FYN: variants seen among roughly 807,000 people sequenced by gnomAD.
The protein encoded by FYN is FYN proto-oncogene, Src family tyrosine kinase, also known as tyrosine-protein kinase Fyn.
In FYN, 10 loss-of-function variants were observed where a neutral mutation model predicts 70.2. The observed-to-expected ratio is 0.14, with a 90% CI of 0.09 to 0.24. The LOEUF is 0.24. FYN is among the 10% of genes least tolerant of loss of function. The pLI is 1.00. For missense variants in FYN, 319 were observed against 673.1 expected, an observed-to-expected ratio of 0.47 and a Z score of 5.82; for synonymous variants, 236 against 248.6, an observed-to-expected ratio of 0.95 and a Z score of 0.48.
At chr6:111,832,536 T>G (rs934648912) in intron 2 of FYN, among the ~76,000 whole-genome samples, 6 of 152,212 alleles carry the variant, frequency 3.9e-5, no homozygotes, top group African/African-American at 1.4e-4. Context: ...CGCATGTGAT[T>G]TGGTATACTG....
intron 1 of FYN, among the ~76,000 whole-genome samples, chr6:111,857,648 A>G (rs1486785818): frequency 2.6e-5 from 4 of 152,222 alleles, no homozygotes; most frequent in African/African-American, 9.7e-5. Context: ...TTATTTGTGC[A>G]TGATTGAATT....
chr6:111,689,067 G>T (rs1242789659), intron 12 of FYN, among the ~76,000 whole-genome samples: 1 of 152,160 alleles, frequency 6.6e-6, no homozygotes, highest in African/African-American at 2.4e-5. Context: ...AAAAGTTGAG[G>T]TGATAAGGAT....
At chr6:111,788,090 A>G (rs1439696572) in intron 2 of FYN, among the ~76,000 whole-genome samples, 1 of 152,040 alleles carries the variant, frequency 6.6e-6, no homozygotes, top group Non-Finnish European at 1.5e-5. Context: ...ATACAGAACC[A>G]ACCTGTCCCT....
At chr6:111,749,826 CTG>C (rs954362463) in intron 3 of FYN, among the ~76,000 whole-genome samples, 1 of 151,902 alleles carries the variant, frequency 6.6e-6, no homozygotes, top group African/African-American at 2.4e-5. Flanking sequence ...TGTTCAAAAT[CTG>C]TGTGTGGAAA....
In FYN at chr6:111,660,352, T is replaced by C. The variant is rs1332923259; in HGVS notation, c.*1387A>G. 3 of 152,234 alleles carry C rather than the reference T, an allele frequency of 2.0e-5. No homozygotes were observed. Among genetic ancestry groups the C allele is most frequent in the Non-Finnish European group, 4.4e-5 (3 of 68,038 alleles). 9.4% of individuals were successfully genotyped at this position (152,234 alleles called of 1,614,324 possible). ...AAAAATTCAAATGTAAAATGCTCTCTTTTTAATTACTAAATTAAGAAAGTT... is the reference window on the plus strand; with the variant it reads ...AAAAATTCAAATGTAAAATGCTCTCCTTTTAATTACTAAATTAAGAAAGTT... On this transcript the variant is annotated 3_prime_UTR_variant, in exon 14 of 14. Transcript: ENST00000354650.
intron 2 of FYN, among the ~76,000 whole-genome samples, chr6:111,807,511 T>C (rs999750910): frequency 6.6e-6 from 1 of 152,220 alleles, no homozygotes; most frequent in African/African-American, 2.4e-5. Context: ...GGAGTTTCTC[T>C]TGATTACTCA....
At chr6:111,727,802 TTAAGAA>T (rs1226706921) in intron 3 of FYN, among the ~76,000 whole-genome samples, 1 of 152,208 alleles carries the variant, frequency 6.6e-6, no homozygotes, top group Non-Finnish European at 1.5e-5. Flanking sequence ...TCATGTTACT[TTAAGAA>T]TAAGCCATAC....
At chr6:111,820,282 A>G (rs1772616949) in intron 2 of FYN, among the ~76,000 whole-genome samples, 1 of 152,222 alleles carries the variant, frequency 6.6e-6, no homozygotes, top group Non-Finnish European at 1.5e-5. Context: ...AAGATAAATG[A>G]TATTTTTATG....
intron 2 of FYN, among the ~76,000 whole-genome samples, chr6:111,844,268 T>G (rs1320813095): frequency 6.6e-6 from 1 of 152,232 alleles, no homozygotes; most frequent in Non-Finnish European, 1.5e-5. Flanking sequence ...CACTTCTGTC[T>G]TTACAAAAAC....
At chr6:111,703,063 C>A in intron 7 of FYN, 29 bp from the exon 8 acceptor site, 1 of 1,607,162 alleles carries the variant, frequency 6.2e-7, no homozygotes, top group Non-Finnish European at 8.5e-7. Context: ...ATTAGCAGCT[C>A]CAATCATTTA....
chr6:111,837,858 G>T (rs1773237764), intron 2 of FYN, among the ~76,000 whole-genome samples: 1 of 152,176 alleles, frequency 6.6e-6, no homozygotes, highest in Non-Finnish European at 1.5e-5. Context: ...TCTCATGGCA[G>T]CCTTATCTGG....
At chr6:111,764,227 A>AAAAAAAAAAAAG (rs1583420872) in intron 3 of FYN, among the ~76,000 whole-genome samples, 1 of 147,990 alleles carries the variant, frequency 6.8e-6, no homozygotes, top group African/African-American at 2.5e-5. Context: ...AAAAAAAAAA[A>AAAAAAAAAAAAG]AAAAAGAAAA....
chr6:111,772,229 T>G (rs1803479722), intron 3 of FYN, among the ~76,000 whole-genome samples: 1 of 152,054 alleles, frequency 6.6e-6, no homozygotes, highest in Admixed American at 6.6e-5. Context: ...AAAATCCAGG[T>G]GACCATCAAG....
At chr6:111,844,039 C>G (rs1039478617) in intron 2 of FYN, among the ~76,000 whole-genome samples, 9 of 152,208 alleles carry the variant, frequency 5.9e-5, no homozygotes, top group African/African-American at 2.2e-4. Context: ...AAGGGGAAAG[C>G]TCTGAGCCCA....
Position 111,693,560 on chromosome 6 carries a change from T to G in FYN, c.1273+815A>C, listed in dbSNP as rs955869260. Among the ~76,000 whole-genome samples the G allele has an allele frequency of 2.2e-4, 34 of 152,210 alleles. 1 individual carries two copies. Among genetic ancestry groups the G allele is most frequent in the African/African-American group, 8.2e-4 (34 of 41,448 alleles). On this transcript the variant is annotated intron_variant, in intron 12 of 13. Transcript: ENST00000354650. The stretch of plus-strand genomic sequence containing the variant: ...GGTGCTCTAATAGCACCTGAAAAGC[T>G]GCCCCACTGGAATGGCTGCTGAGTT...
At chr6:111,772,687 C>T (rs930204783) in intron 3 of FYN, among the ~76,000 whole-genome samples, 2 of 152,278 alleles carry the variant, frequency 1.3e-5, no homozygotes, top group Admixed American at 6.5e-5. Flanking sequence ...GAAGAGCATG[C>T]TAAACAATGC....
At chr6:111,835,215 A>G (rs976040484) in intron 2 of FYN, among the ~76,000 whole-genome samples, 1 of 152,236 alleles carries the variant, frequency 6.6e-6, no homozygotes, top group Non-Finnish European at 1.5e-5. Context: ...TAACAACCAG[A>G]GAAACTGTAA....
chr6:111,671,320 T>A (rs1179855699), intron 13 of FYN, among the ~76,000 whole-genome samples: 1 of 152,188 alleles, frequency 6.6e-6, no homozygotes, highest in Admixed American at 6.5e-5. Context: ...CCTCACATAC[T>A]CCACTCTAAG....
chr6:111,778,545 T>A (rs1771039597), intron 3 of FYN, among the ~76,000 whole-genome samples: 1 of 152,008 alleles, frequency 6.6e-6, no homozygotes, highest in Admixed American at 6.6e-5. Flanking sequence ...CTCACTTTCT[T>A]TTTTTCTTTT....
Sources: allele counts gnomAD v4.1 joint callset (sites outside exome capture counted in the v4.1 genomes callset), GRCh38; gene constraint gnomAD v4.1.1; transcripts MANE v1.5; gene names NCBI Gene and HGNC (gene_info 2026-07-23, HGNC 2026-07-21).